VANGL2: variants seen among roughly 807,000 people sequenced by gnomAD.
VANGL2 encodes VANGL planar cell polarity protein 2.
A neutral mutation model predicts 50.2 loss-of-function variants in VANGL2; 14 were observed. That is an observed-to-expected ratio of 0.28 (90% confidence interval 0.18 to 0.44). The LOEUF (loss-of-function observed/expected upper bound fraction) is 0.44. Among genes scored for constraint, VANGL2 ranks in the 20% least tolerant of loss-of-function variants. The pLI is 1.00. For synonymous variants in VANGL2, 295 were observed against 297.2 expected (o/e 0.99, Z 0.08); for missense variants, 533 against 701.5 (o/e 0.76, Z 2.71).
Position 160,427,034 on chromosome 1 carries a change from T to G in VANGL2, c.*1656T>G, listed in dbSNP as rs180756867. ...AAAGTTCACTTGTTTACCCACCGCATGCTAGAGAGGAGCTCATTGGCCAAT... is the reference window on the plus strand; with the variant it reads ...AAAGTTCACTTGTTTACCCACCGCAGGCTAGAGAGGAGCTCATTGGCCAAT... On this transcript the variant is annotated 3_prime_UTR_variant, in exon 8 of 8. Coordinates refer to ENST00000368061, the MANE Select transcript of VANGL2 (RefSeq NM_020335.3). 5.0e-4 allele frequency: 77 copies of G among 152,878 alleles called. No homozygotes were observed. The highest frequency in any genetic ancestry group is 6.6e-4 in the Non-Finnish European group (45 of 68,098). 9.5% of individuals were successfully genotyped at this position (152,878 alleles called of 1,614,324 possible). A position where few individuals can be genotyped will look rare whatever the true frequency, so the allele number is the denominator to read the frequency against.
At chr1:160,414,092 T>G (rs1348789592) in intron 1 of VANGL2, among the ~76,000 whole-genome samples, 1 of 152,240 alleles carries the variant, frequency 6.6e-6, no homozygotes, top group Non-Finnish European at 1.5e-5. Context: ...TTACTCACTC[T>G]TCTGTGGCTC....
At position 160,425,240 on chromosome 1, in the gene VANGL2, C is replaced by A; in HGVS notation, c.1428C>A (p.Ile476=). The change falls in exon 8 of 8, where the codon ATC becomes ATA. Residue 476 remains isoleucine (I), a synonymous_variant. Transcript: ENST00000368061. Reference sequence around the variant, plus strand: ...TGACCAACGGCCTCAAGGATGGCATCGTTTTCCTCTTAAAACGCCAGGACT... The same window carrying A: ...TGACCAACGGCCTCAAGGATGGCATAGTTTTCCTCTTAAAACGCCAGGACT... ...EPVTNGLKDG[I]VFLLKRQDFS... The A allele has an allele frequency of 6.2e-7, 1 of 1,614,078 alleles. No individual in the cohort carries two copies. The highest frequency in any genetic ancestry group is 8.5e-7 in the Non-Finnish European group (1 of 1,180,016).
intron 1 of VANGL2, among the ~76,000 whole-genome samples, chr1:160,402,809 T>C (rs17371163): frequency 0.31 from 47,211 of 151,818 alleles, 7,782 homozygotes; most frequent in South Asian, 0.47. Flanking sequence ...CTGTCCTCTC[T>C]CATCCTTTCT....
intron 1 of VANGL2, among the ~76,000 whole-genome samples, chr1:160,412,464 G>A (rs925663574): frequency 2.6e-5 from 4 of 152,252 alleles, no homozygotes; most frequent in East Asian, 1.9e-4. Context: ...AGAAATGCAG[G>A]TCAGATGTCT....
In VANGL2 at chr1:160,424,298, C is replaced by T. The variant is rs201393998; in HGVS notation, c.1305+15C>T. 2 of 1,611,252 alleles carry T rather than the reference C, an allele frequency of 1.2e-6. No homozygotes were observed. Among genetic ancestry groups the T allele is most frequent in the Admixed American group, 3.3e-5 (2 of 59,878 alleles). On this transcript the variant is annotated intron_variant, in intron 7 of 7. Transcript: ENST00000368061. Reference sequence around the variant, plus strand: ...TGACGCCCAAGGTAGGCCTGCCCTGCTGCCAGCATCCTTCCTCCTTCCCCA... The same window carrying T: ...TGACGCCCAAGGTAGGCCTGCCCTGTTGCCAGCATCCTTCCTCCTTCCCCA...
At position 160,425,681 on chromosome 1, in the gene VANGL2, T is replaced by C; in HGVS notation, c.*303T>C. ...TCTCCCTCTTCTTTCCCTAGTCTTT[T>C]CCCAGATTACAGTCTCTCCTGAAAG... On this transcript the variant is annotated 3_prime_UTR_variant, in exon 8 of 8. Coordinates refer to ENST00000368061, the MANE Select transcript of VANGL2 (RefSeq NM_020335.3). 1 of 322,968 alleles carries C rather than the reference T, an allele frequency of 3.1e-6. No individual in the cohort carries two copies. Among genetic ancestry groups the C allele is most frequent in the Non-Finnish European group, 5.7e-6 (1 of 174,582 alleles). The allele number at this position is 322,968 out of a possible 1,614,324, so 20.0% of individuals were successfully genotyped here. A position where few individuals can be genotyped will look rare whatever the true frequency, so the allele number is the denominator to read the frequency against.
intron 1 of VANGL2, among the ~76,000 whole-genome samples, chr1:160,411,340 C>G (rs1021971910): frequency 6.6e-6 from 1 of 151,906 alleles, no homozygotes; most frequent in Non-Finnish European, 1.5e-5. Flanking sequence ...ACTTCCCTCC[C>G]TGTCTCGTCA....
At chr1:160,407,709 C>T (rs2369608) in intron 1 of VANGL2, among the ~76,000 whole-genome samples, 23,669 of 152,042 alleles carry the variant, frequency 0.16, 3,703 homozygotes, top group African/African-American at 0.41. Flanking sequence ...CACTGACTTA[C>T]GGGTCAGCAC....
At position 160,425,409 on chromosome 1, in the gene VANGL2, TG is replaced by T. The variant is rs1553218048; in HGVS notation, c.*37del. 20 of 252,808 alleles carry T rather than the reference TG, an allele frequency of 7.9e-5. No homozygotes were observed. Among genetic ancestry groups the T allele is most frequent in the African/African-American group, 4.2e-4 (5 of 11,782 alleles). The allele number at this position is 252,808 out of a possible 1,614,324, so 15.7% of individuals were successfully genotyped here. On this transcript the variant is annotated 3_prime_UTR_variant, in exon 8 of 8. Coordinates refer to ENST00000368061, the MANE Select transcript of VANGL2 (RefSeq NM_020335.3). ...CAACAGCAGGGGGAGTGGGAAACTCTGGGGGGTCCTGAGGGGGTGGGAGGGG... is the reference window on the plus strand; with the variant it reads ...CAACAGCAGGGGGAGTGGGAAACTCTGGGGGTCCTGAGGGGGTGGGAGGGG...
At position 160,427,780 on chromosome 1, in the gene VANGL2, G is replaced by T. The variant is rs564733902; in HGVS notation, c.*2402G>T. Reference sequence around the variant, plus strand: ...GATCTGCTCATTCTCCTGCTGTGGGGGTATGCCCACCTCTTACCCCCTTGA... The same window carrying T: ...GATCTGCTCATTCTCCTGCTGTGGGTGTATGCCCACCTCTTACCCCCTTGA... On this transcript the variant is annotated 3_prime_UTR_variant, in exon 8 of 8. Coordinates refer to ENST00000368061, the MANE Select transcript of VANGL2 (RefSeq NM_020335.3). 5 of 152,388 alleles carry T rather than the reference G, an allele frequency of 3.3e-5. No homozygotes were observed. The highest frequency in any genetic ancestry group is 1.2e-4 in the African/African-American group (5 of 41,298). 9.4% of individuals were successfully genotyped at this position (152,388 alleles called of 1,614,324 possible). A position where few individuals can be genotyped will look rare whatever the true frequency, so the allele number is the denominator to read the frequency against.
At chr1:160,410,334 T>G (rs2101953319) in intron 1 of VANGL2, among the ~76,000 whole-genome samples, 1 of 152,244 alleles carries the variant, frequency 6.6e-6, no homozygotes, top group East Asian at 1.9e-4. Flanking sequence ...AGGTACATGT[T>G]TTGCTCTGTC....
chr1:160,406,269 T>A (rs1222108416), intron 1 of VANGL2, among the ~76,000 whole-genome samples: 1 of 152,222 alleles, frequency 6.6e-6, no homozygotes, highest in Non-Finnish European at 1.5e-5. Context: ...TCATTCCAGT[T>A]CGGTCTGATT....
chr1:160,418,891 C>T (rs1651154750), intron 3 of VANGL2, 111 bp from the exon 4 acceptor site: 1 of 1,363,742 alleles, frequency 7.3e-7, no homozygotes. Flanking sequence ...CTTCTCCTTT[C>T]CCATGTGTTC....
intron 7 of VANGL2, 152 bp from the exon 8 acceptor site, chr1:160,424,966 C>A: frequency 3.7e-6 from 4 of 1,088,076 alleles, no homozygotes; most frequent in South Asian, 2.7e-5. Flanking sequence ...TGATCTCAGG[C>A]CCCTTCCTGC....
Position 160,419,336 on chromosome 1 carries a change from C to T in VANGL2, c.527C>T (p.Pro176Leu). ...TTCCGCCGGCCCAAGGCCTCGCTGC[C>T]CCGCGTCTTTGTGCTGCGTGCCCTG... ...LFFRRPKASLPRVFVLRALLM... is the reference protein window; with the variant it reads ...LFFRRPKASLLRVFVLRALLM... Residue 176 changes from proline (P) to leucine (L), a missense_variant, in exon 4 of 8, where the codon CCC becomes CTC. Physicochemically the swap from Pro to Leu is moderately conservative, Grantham distance 98. Transcript: ENST00000368061. This position sits in a 1 kb window ranked among gnomAD's most constrained non-coding sequence, Gnocchi z 5.8. 1 of 1,610,644 alleles carries T rather than the reference C, an allele frequency of 6.2e-7. No individual in the cohort carries two copies.
intron 1 of VANGL2, among the ~76,000 whole-genome samples, chr1:160,409,713 C>T (rs1293136077): frequency 6.6e-6 from 1 of 152,214 alleles, no homozygotes. Flanking sequence ...TCTGCTCTGC[C>T]TTGCACTGGC....
At chr1:160,416,314 G>A (rs966456375) in intron 3 of VANGL2, 132 bp downstream of exon 3, 3 of 1,481,792 alleles carry the variant, frequency 2.0e-6, no homozygotes, top group Non-Finnish European at 2.8e-6. Context: ...AGTGTGTTTT[G>A]TGTTACACTT....
rs959140335 is a variant in VANGL2 at position 160,415,827 on chromosome 1, G to A, written c.-11G>A. 11 of 1,612,154 alleles carry A rather than the reference G, an allele frequency of 6.8e-6. No homozygotes were observed. The highest frequency in any genetic ancestry group is 4.0e-5 in the African/African-American group (3 of 75,070). On this transcript the variant is annotated 5_prime_UTR_variant, in exon 2 of 8. Coordinates refer to ENST00000368061, the MANE Select transcript of VANGL2 (RefSeq NM_020335.3). ...GCCCTGGAGCGCTACAAGGCGCGGC[G>A]TTCAGACGCCATGGACACCGAGTCC... is the stretch of plus-strand genomic sequence containing the variant.
intron 1 of VANGL2, among the ~76,000 whole-genome samples, chr1:160,403,550 G>GT (rs1650555688): frequency 6.6e-6 from 1 of 152,172 alleles, no homozygotes; most frequent in African/African-American, 2.4e-5. Flanking sequence ...GAGCAGGACA[G>GT]TTTTTTATCT....
Sources: gnomAD v4.1 joint callset for allele counts (sites outside exome capture counted in the v4.1 genomes callset) on GRCh38, gnomAD v4.1.1 for gene constraint, Gnocchi (gnomAD v3.1) non-coding constraint, MANE v1.5 for transcripts, NCBI Gene and HGNC (gene_info 2026-07-23, HGNC 2026-07-21) for gene names.